The following CADM2 variants were observed in gnomAD, a reference collection of about 807,000 sequenced individuals.
The protein encoded by CADM2 is cell adhesion molecule 2.
Under a neutral mutation model 49.8 loss-of-function variants are expected in CADM2, and 12 were observed. That is an observed-to-expected ratio of 0.24 (90% CI 0.15 to 0.39). The LOEUF is 0.39. Ranked by LOEUF, CADM2 falls within the 10% of genes least tolerant of loss-of-function variation. The pLI is 1.00. For missense variants in CADM2, 378 were observed against 492.3 expected (o/e 0.77, Z 2.20); for synonymous variants, 214 against 175.4 (o/e 1.22, Z -1.74).
At chr3:85,018,272 A>G (rs1273005459) in intron 1 of CADM2, among the ~76,000 whole-genome samples, 1 of 152,158 alleles carries the variant, frequency 6.6e-6, no homozygotes, top group African/African-American at 2.4e-5. Context: ...TGAAAACAAA[A>G]CCCCTCTAAG....
At chr3:84,975,064 A>G (rs1170773926) in intron 1 of CADM2, among the ~76,000 whole-genome samples, 1 of 151,960 alleles carries the variant, frequency 6.6e-6, no homozygotes, top group Non-Finnish European at 1.5e-5. Context: ...TTTCTCTTGA[A>G]AGGAAATTTT....
Position 84,959,448 on chromosome 3 carries a change from C to G in CADM2, c.-160C>G, listed in dbSNP as rs949681065. 15 of 633,300 alleles carry G rather than the reference C, an allele frequency of 2.4e-5. No individual in the cohort carries two copies. The highest frequency in any genetic ancestry group is 4.1e-5 in the Non-Finnish European group (15 of 369,462). The allele number at this position is 633,300 out of a possible 1,614,324, so 39.2% of individuals were successfully genotyped here. ...GCTTTGCCGCTGCCGCTTCTGCTGC[C>G]GCCGATCCGAGTCCGCGGGTTCGAA... On this transcript the variant is annotated 5_prime_UTR_variant, in exon 1 of 10. Coordinates refer to ENST00000383699, the MANE Select transcript of CADM2 (RefSeq NM_001167675.2).
chr3:85,689,284 A>G (rs866793486), intron 1 of CADM2, among the ~76,000 whole-genome samples: 1 of 152,222 alleles, frequency 6.6e-6, no homozygotes, highest in Non-Finnish European at 1.5e-5. Flanking sequence ...GGAGGATGTA[A>G]CAAATTTAAA....
At chr3:85,987,498 T>A (rs1728252736) in intron 8 of CADM2, among the ~76,000 whole-genome samples, 1 of 150,510 alleles carries the variant, frequency 6.6e-6, no homozygotes, top group South Asian at 2.1e-4. Flanking sequence ...TATATATGTT[T>A]TCTGAAAAAC....
intron 1 of CADM2, among the ~76,000 whole-genome samples, chr3:85,433,884 G>GA (rs1022440481): frequency 1.3e-5 from 2 of 152,036 alleles, no homozygotes; most frequent in Admixed American, 1.3e-4. Context: ...ATTATAACTT[G>GA]AAAAGTAACC....
intron 1 of CADM2, among the ~76,000 whole-genome samples, chr3:85,056,240 C>G (rs988724390): frequency 6.6e-6 from 1 of 151,972 alleles, no homozygotes; most frequent in Non-Finnish European, 1.5e-5. Flanking sequence ...AGTACTAATT[C>G]ATCACAAATG....
intron 1 of CADM2, among the ~76,000 whole-genome samples, chr3:85,294,634 T>C (rs1201913297): frequency 1.3e-4 from 20 of 151,630 alleles, no homozygotes; most frequent in East Asian, 3.9e-4. Flanking sequence ...GAAATAACGC[T>C]GCATATCTAC....
chr3:85,312,239 GAATT>G (rs983725136), intron 1 of CADM2, among the ~76,000 whole-genome samples: 24 of 152,086 alleles, frequency 1.6e-4, no homozygotes, highest in African/African-American at 5.1e-4. Context: ...AAGGGCATAT[GAATT>G]AATTATGATA....
At chr3:85,405,542 G>T (rs2035329528) in intron 1 of CADM2, among the ~76,000 whole-genome samples, 1 of 151,986 alleles carries the variant, frequency 6.6e-6, no homozygotes, top group Non-Finnish European at 1.5e-5. Flanking sequence ...CAAATTCAAG[G>T]ATCTATTTTT....
rs1320607048 is a variant in CADM2, at chr3:85,381,648, T to G, written c.62-344874T>G. On this transcript the variant is annotated intron_variant, in intron 1 of 9. Transcript: ENST00000383699. The stretch of plus-strand genomic sequence containing the variant: ...TGCCAAAAGTTTTCTTGCAGCAAGA[T>G]ATGATTATAATAATAAAGTATATTT... 2.6e-5 allele frequency among the ~76,000 whole-genome samples: 4 copies of G among 151,534 alleles called. No homozygotes were observed. In the East Asian group the frequency reaches 7.7e-4, roughly 29 times the overall value.
intron 4 of CADM2, among the ~76,000 whole-genome samples, 154 bp from the exon 5 acceptor site, chr3:85,886,036 A>T (rs559495802): frequency 8.5e-5 from 13 of 152,182 alleles, no homozygotes; most frequent in African/African-American, 3.1e-4. Flanking sequence ...TAACACACAC[A>T]TATGAAGCAG....
At chr3:85,155,530 A>G (rs1316576897) in intron 1 of CADM2, among the ~76,000 whole-genome samples, 2 of 152,068 alleles carry the variant, frequency 1.3e-5, no homozygotes, top group Non-Finnish European at 2.9e-5. Context: ...AGACAGATCA[A>G]CGAGACAGAA....
chr3:85,839,960 C>T (rs2074570771), intron 3 of CADM2, among the ~76,000 whole-genome samples: 1 of 151,938 alleles, frequency 6.6e-6, no homozygotes, highest in East Asian at 1.9e-4. Flanking sequence ...CTCACAGGGA[C>T]ATGTTCATTA....
intron 3 of CADM2, among the ~76,000 whole-genome samples, chr3:85,874,954 T>G (rs1040217000): frequency 7.9e-5 from 12 of 152,284 alleles, no homozygotes; most frequent in African/African-American, 2.9e-4. Context: ...GTGTAAAAAC[T>G]GAAATTCTAT....
At chr3:85,448,444 G>T (rs928595481) in intron 1 of CADM2, among the ~76,000 whole-genome samples, 10 of 151,588 alleles carry the variant, frequency 6.6e-5, no homozygotes, top group South Asian at 2.1e-4. Context: ...GTTCTGCACC[G>T]TTTATCTTGC....
chr3:85,202,743 C>T (rs2041537119), intron 1 of CADM2, among the ~76,000 whole-genome samples: 1 of 152,170 alleles, frequency 6.6e-6, no homozygotes, highest in South Asian at 2.1e-4. Flanking sequence ...ATTGACACCT[C>T]CTTTCTAGCT....
chr3:85,142,786 C>T (rs148370216), intron 1 of CADM2, among the ~76,000 whole-genome samples: 1 of 152,228 alleles, frequency 6.6e-6, no homozygotes, highest in African/African-American at 2.4e-5. Flanking sequence ...TTAATTTCAG[C>T]CATATTAACC....
chr3:85,954,753 C>T (rs112757324), intron 7 of CADM2, among the ~76,000 whole-genome samples: 1,698 of 151,306 alleles, frequency 0.011, 36 homozygotes, highest in African/African-American at 0.037. Flanking sequence ...AATTAATTTA[C>T]ATTTACTTAT....
chr3:85,537,840 G>T (rs888686469), intron 1 of CADM2, among the ~76,000 whole-genome samples: 1 of 151,994 alleles, frequency 6.6e-6, no homozygotes, highest in Non-Finnish European at 1.5e-5. Flanking sequence ...AAATTTAACA[G>T]CATCATCTTC....
Sources: gnomAD v4.1 joint callset for allele counts (sites outside exome capture counted in the v4.1 genomes callset) on GRCh38, gnomAD v4.1.1 for gene constraint, MANE v1.5 for transcripts, NCBI Gene and HGNC (gene_info 2026-07-23, HGNC 2026-07-21) for gene names.